Variants in STK39 observed in about 807,000 individuals in gnomAD.
The protein encoded by STK39 is STE20/SPS1-related proline-alanine-rich protein kinase.
In STK39, 20 loss-of-function variants were observed where a neutral mutation model predicts 77.8. The observed-to-expected ratio is 0.26, with a 90% CI of 0.18 to 0.37. The LOEUF (loss-of-function observed/expected upper bound fraction) is 0.37, where lower values mean the gene tolerates loss of function less well. Ranked by LOEUF, STK39 falls within the 10% of genes least tolerant of loss-of-function variation. The probability of loss-of-function intolerance (pLI) is 1.00; values close to 1 mark genes in which losing one functional copy is unlikely to be tolerated. For missense variants in STK39, 479 were observed against 656.5 expected, an observed-to-expected ratio of 0.73 and a Z score of 2.95; for synonymous variants, 246 against 234.1, an observed-to-expected ratio of 1.05 and a Z score of -0.47.
At chr2:168,041,137 G>A (rs1488192255) in intron 14 of STK39, among the ~76,000 whole-genome samples, 1 of 152,048 alleles carries the variant, frequency 6.6e-6, no homozygotes, top group Non-Finnish European at 1.5e-5. Context: ...GAGGAGCTGT[G>A]TTTTTAACAA....
At chr2:168,129,636 C>A (rs746117175) in intron 9 of STK39, 30 bp from the exon 10 acceptor site, 2 of 1,613,854 alleles carry the variant, frequency 1.2e-6, no homozygotes, top group Admixed American at 3.3e-5. Context: ...AACAGTTTAA[C>A]ATCAAATATG....
intron 5 of STK39, among the ~76,000 whole-genome samples, chr2:168,145,020 G>T (rs1688099701): frequency 6.6e-6 from 1 of 151,718 alleles, no homozygotes; most frequent in East Asian, 1.9e-4. Flanking sequence ...AGTAGGATAA[G>T]ATGTATAAAA....
intron 10 of STK39, among the ~76,000 whole-genome samples, chr2:168,086,566 A>G (rs948069124): frequency 4.6e-5 from 7 of 152,248 alleles, no homozygotes; most frequent in Non-Finnish European, 1.0e-4. Flanking sequence ...GGATATGAAA[A>G]AGTTCTATAG....
chr2:168,119,019 A>T (rs1687338196), intron 10 of STK39, among the ~76,000 whole-genome samples: 2 of 152,200 alleles, frequency 1.3e-5, no homozygotes, highest in Non-Finnish European at 2.9e-5. Flanking sequence ...TCTCTGGCCT[A>T]CTGTTCTCTC....
chr2:168,014,907 T>C lies in STK39; in HGVS notation c.1429+2136A>G, dbSNP rs1684367460. Among the ~76,000 whole-genome samples the C allele has an allele frequency of 2.6e-5, 4 of 152,322 alleles. No individual in the cohort carries two copies. The South Asian group carries it at 8.3e-4, about 32-fold the overall frequency. ...TAAAACAGTACCAAAATGATTGACA[T>C]TCCCAAATGATTAAAGCATACAGCA... On this transcript the variant is annotated intron_variant, in intron 15 of 17. Transcript: ENST00000355999.
chr2:168,226,240 A>G (rs1441449465), intron 1 of STK39, among the ~76,000 whole-genome samples: 1 of 152,194 alleles, frequency 6.6e-6, no homozygotes, highest in East Asian at 1.9e-4. Flanking sequence ...CTGAGGTCTT[A>G]TCCACTTCCC....
intron 10 of STK39, among the ~76,000 whole-genome samples, chr2:168,116,116 C>G (rs1227871554): frequency 6.6e-6 from 1 of 152,168 alleles, no homozygotes; most frequent in Non-Finnish European, 1.5e-5. Flanking sequence ...ATGGTCCCAG[C>G]TTCCTGACCA....
chr2:168,117,090 A>G (rs1687278920), intron 10 of STK39, among the ~76,000 whole-genome samples: 1 of 152,208 alleles, frequency 6.6e-6, no homozygotes, highest in Non-Finnish European at 1.5e-5. Flanking sequence ...CACAATTATT[A>G]CCTAATAATA....
chr2:168,069,575 A>G (rs1166652028), intron 12 of STK39, among the ~76,000 whole-genome samples: 1 of 151,358 alleles, frequency 6.6e-6, no homozygotes, highest in Non-Finnish European at 1.5e-5. Flanking sequence ...TTTATTTTGG[A>G]AATTTCTGAT....
At chr2:168,152,320 CTCTCTACACCCAAGACAA>C (rs1299332772) in intron 5 of STK39, among the ~76,000 whole-genome samples, 1 of 152,158 alleles carries the variant, frequency 6.6e-6, no homozygotes, top group African/African-American at 2.4e-5. Context: ...GCTTACTCTC[CTCTCTACACCCAAGACAA>C]TCCTCTGATT....
chr2:168,223,524 A>G (rs57953391), intron 1 of STK39, among the ~76,000 whole-genome samples: 2 of 150,122 alleles, frequency 1.3e-5, no homozygotes, highest in African/African-American at 2.5e-5. Flanking sequence ...AAAAAAAAAA[A>G]AAAAAGAAAA....
At chr2:168,173,531 T>C (rs1274345374) in intron 2 of STK39, among the ~76,000 whole-genome samples, 1 of 148,262 alleles carries the variant, frequency 6.7e-6, no homozygotes, top group Non-Finnish European at 1.5e-5. Flanking sequence ...GAAAATGTCA[T>C]TGTGAATTTT....
In STK39 at chr2:168,201,282, A is replaced by T. The variant is rs189436676; in HGVS notation, c.209-19192T>A. On this transcript the variant is annotated intron_variant, in intron 1 of 17. Coordinates refer to ENST00000355999, the MANE Select transcript of STK39 (RefSeq NM_013233.3). ...CAGCCCACGCTGCAGAGGCCAAACC[A>T]TAGCTGGCAGTGAGACACTGTGTCT... Among the ~76,000 whole-genome samples, 119 of 152,354 alleles carry T rather than the reference A, an allele frequency of 7.8e-4. 2 individuals are homozygous for T. In the South Asian group the frequency reaches 0.01, roughly 13 times the overall value.
intron 16 of STK39, among the ~76,000 whole-genome samples, chr2:167,966,443 C>T (rs1041972842): frequency 1.3e-5 from 2 of 152,180 alleles, no homozygotes; most frequent in Non-Finnish European, 2.9e-5. Flanking sequence ...GGGCTGATTT[C>T]ATGAGTGGCC....
intron 16 of STK39, among the ~76,000 whole-genome samples, chr2:167,977,057 G>A (rs950704800): frequency 6.6e-6 from 1 of 152,096 alleles, no homozygotes; most frequent in African/African-American, 2.4e-5. Context: ...GAGGAATAAA[G>A]AAAACATAGA....
intron 10 of STK39, among the ~76,000 whole-genome samples, chr2:168,093,209 C>T (rs1455965769): frequency 1.3e-5 from 2 of 152,204 alleles, no homozygotes; most frequent in Non-Finnish European, 1.5e-5. Flanking sequence ...TCTCAAACTC[C>T]CATTCCCATG....
chr2:167,954,635 T>C lies in STK39; in HGVS notation c.*861A>G, dbSNP rs200062735. ...GAAGCAAAACTTAACATATGCCACC[T>C]TATATAGAGGAAATTTTAGATCTGA... On this transcript the variant is annotated 3_prime_UTR_variant, in exon 18 of 18. Coordinates refer to ENST00000355999, the MANE Select transcript of STK39 (RefSeq NM_013233.3). 2.0e-5 allele frequency: 3 copies of C among 152,628 alleles called. No individual in the cohort carries two copies. The highest frequency in any genetic ancestry group is 2.9e-5 in the Non-Finnish European group (2 of 68,042). 9.5% of individuals were successfully genotyped at this position (152,628 alleles called of 1,614,324 possible). A position where few individuals can be genotyped will look rare whatever the true frequency, so the allele number is the denominator to read the frequency against.
At chr2:168,047,999 G>A (rs1018468241) in intron 14 of STK39, among the ~76,000 whole-genome samples, 1 of 152,120 alleles carries the variant, frequency 6.6e-6, no homozygotes, top group African/African-American at 2.4e-5. Context: ...ATTACCAGAC[G>A]ACGGCACAGA....
intron 16 of STK39, among the ~76,000 whole-genome samples, chr2:167,970,548 T>C (rs1232691983): frequency 6.6e-6 from 1 of 152,228 alleles, no homozygotes; most frequent in Non-Finnish European, 1.5e-5. Context: ...AAAGAAGAAC[T>C]ATTCCTGTTT....
Sources: gnomAD v4.1 joint callset for allele counts (sites outside exome capture counted in the v4.1 genomes callset) on GRCh38, gnomAD v4.1.1 for gene constraint, MANE v1.5 for transcripts, NCBI Gene and HGNC (gene_info 2026-07-23, HGNC 2026-07-21) for gene names.